FRMD5: variants seen among roughly 807,000 people sequenced by gnomAD.
The protein encoded by FRMD5 is FERM domain containing 5.
Under a neutral mutation model 69.0 loss-of-function variants are expected in FRMD5, and 20 were observed. The observed-to-expected ratio is 0.29, with a 90% CI of 0.20 to 0.42. The LOEUF is 0.42. Ranked by LOEUF, FRMD5 falls within the 10% of genes least tolerant of loss-of-function variation. The pLI is 1.00. For missense variants in FRMD5, 595 were observed against 708.6 expected (o/e 0.84, Z 1.82); for synonymous variants, 271 against 260.1 (o/e 1.04, Z -0.40).
In FRMD5 at chr15:43,873,374, T is replaced by C; in HGVS notation, c.*511A>G. On this transcript the variant is annotated 3_prime_UTR_variant, in exon 14 of 14. Coordinates refer to ENST00000417257, the MANE Select transcript of FRMD5 (RefSeq NM_032892.5). ...AAACAAAAAACTAAACAGTCCCCAT[T>C]GTCCAGATCCCTGGCCTGCCCTGCT... The C allele has an allele frequency of 6.9e-7, 1 of 1,452,908 alleles. No individual in the cohort carries two copies. The highest frequency in any genetic ancestry group is 9.0e-7 in the Non-Finnish European group (1 of 1,111,234). The allele number at this position is 1,452,908 out of a possible 1,614,324, so 90.0% of individuals were successfully genotyped here. A position where few individuals can be genotyped will look rare whatever the true frequency, so the allele number is the denominator to read the frequency against.
intron 1 of FRMD5, among the ~76,000 whole-genome samples, chr15:43,983,030 A>G (rs1371782052): frequency 6.6e-6 from 1 of 152,216 alleles, no homozygotes; most frequent in African/African-American, 2.4e-5. Context: ...TCCCGGGGTC[A>G]AGTGATTCTC....
chr15:44,004,055 T>A (rs1890329671), intron 1 of FRMD5, among the ~76,000 whole-genome samples: 1 of 152,250 alleles, frequency 6.6e-6, no homozygotes, highest in East Asian at 1.9e-4. Context: ...CAGCATGGTT[T>A]GACTAAAAAT....
chr15:44,152,341 T>A (rs888362605), intron 1 of FRMD5, among the ~76,000 whole-genome samples: 3 of 152,232 alleles, frequency 2.0e-5, no homozygotes, highest in Non-Finnish European at 4.4e-5. Flanking sequence ...TATGTATCAA[T>A]ACTTAATTCT....
At chr15:43,925,161 C>A (rs574366475) in intron 1 of FRMD5, among the ~76,000 whole-genome samples, 1 of 152,200 alleles carries the variant, frequency 6.6e-6, no homozygotes, top group East Asian at 1.9e-4. Context: ...TGTGCCACCA[C>A]GTCCAGCTAA....
At chr15:44,132,064 G>A (rs546208654) in intron 1 of FRMD5, among the ~76,000 whole-genome samples, 1 of 152,304 alleles carries the variant, frequency 6.6e-6, no homozygotes, top group African/African-American at 2.4e-5. Context: ...ATGGGAGACA[G>A]TGACACATCA....
intron 1 of FRMD5, among the ~76,000 whole-genome samples, chr15:44,108,104 T>G (rs1228964313): frequency 2.0e-5 from 3 of 152,206 alleles, no homozygotes; most frequent in African/African-American, 7.2e-5. Flanking sequence ...GTTTCTTACA[T>G]TTTTAAAAGG....
chr15:44,119,615 G>A (rs1443119058), intron 1 of FRMD5, among the ~76,000 whole-genome samples: 1 of 152,052 alleles, frequency 6.6e-6, no homozygotes, highest in African/African-American at 2.4e-5. Flanking sequence ...ATCAGAGCAG[G>A]TTCTGATAAT....
In FRMD5 at chr15:43,872,070, T is replaced by A. The variant is rs1207977132; in HGVS notation, c.*1815A>T. On this transcript the variant is annotated 3_prime_UTR_variant, in exon 14 of 14. Coordinates refer to ENST00000417257, the MANE Select transcript of FRMD5 (RefSeq NM_032892.5). ...GCCATGTTCCTTCATTTACAAATTA[T>A]CTGTGGCTGTTTTTGTGCTGTGATG... is the stretch of plus-strand genomic sequence containing the variant. 6.6e-6 allele frequency: 1 copy of A among 152,234 alleles called. No individual in the cohort carries two copies. Among genetic ancestry groups the A allele is most frequent in the African/African-American group, 2.4e-5 (1 of 41,448 alleles). The allele number at this position is 152,234 out of a possible 1,614,324, so 9.4% of individuals were successfully genotyped here.
Position 43,902,162 on chromosome 15 carries a change from CA to C in FRMD5, c.639+12del, listed in dbSNP as rs1417326346. On this transcript the variant is annotated intron_variant, in intron 7 of 13. Transcript: ENST00000417257. ...GAGGAAAGGTCATGCAGTCTCCAAC[CA>C]GGGGGTCTTACCTTACATGGGTGAG... is the stretch of plus-strand genomic sequence containing the variant. 46 of 1,606,180 alleles carry C rather than the reference CA, an allele frequency of 2.9e-5. No individual in the cohort carries two copies. In the East Asian group the frequency reaches 1.0e-3, roughly 35 times the overall value.
At chr15:44,195,782 A>AG (rs762517382), upstream of FRMD5, among the ~76,000 whole-genome samples, 6 of 152,238 alleles carry the variant, frequency 3.9e-5, no homozygotes, top group Admixed American at 3.9e-4. Flanking sequence ...TCTGTGCTCC[A>AG]GCCCTCTTAT....
intron 7 of FRMD5, among the ~76,000 whole-genome samples, chr15:43,894,400 G>A (rs1400230922): frequency 1.3e-5 from 2 of 152,148 alleles, no homozygotes; most frequent in African/African-American, 4.8e-5. Context: ...GTATAGAAAG[G>A]GTCTCAGAAA....
intron 1 of FRMD5, among the ~76,000 whole-genome samples, chr15:43,990,386 T>C (rs746000366): frequency 1.3e-5 from 2 of 152,232 alleles, no homozygotes; most frequent in Non-Finnish European, 2.9e-5. Flanking sequence ...GGTATGCCTA[T>C]AAATAAAATT....
chr15:43,952,491 C>T (rs1226773513), intron 1 of FRMD5, among the ~76,000 whole-genome samples: 2 of 152,222 alleles, frequency 1.3e-5, no homozygotes, highest in East Asian at 3.8e-4. Context: ...AATAACACCT[C>T]AGCAGCCAGT....
At chr15:44,192,998 A>C (rs1225965936) in intron 1 of FRMD5, among the ~76,000 whole-genome samples, 1 of 152,240 alleles carries the variant, frequency 6.6e-6, no homozygotes, top group East Asian at 1.9e-4. Flanking sequence ...TATAGCAAGC[A>C]CAAATCCAAT....
At chr15:44,152,409 G>A (rs1381697534) in intron 1 of FRMD5, among the ~76,000 whole-genome samples, 1 of 152,176 alleles carries the variant, frequency 6.6e-6, no homozygotes, top group African/African-American at 2.4e-5. Context: ...GCCACAATTT[G>A]TTTATTCATA....
intron 1 of FRMD5, 185 bp downstream of exon 1, chr15:44,194,768 C>T: frequency 1.5e-6 from 1 of 685,400 alleles, no homozygotes; most frequent in African/African-American, 1.8e-5. Context: ...ACACCGGGTG[C>T]CAGGGCTCCG....
chr15:44,148,364 C>T (rs1343439229), intron 1 of FRMD5, among the ~76,000 whole-genome samples: 1 of 151,896 alleles, frequency 6.6e-6, no homozygotes, highest in Non-Finnish European at 1.5e-5. Flanking sequence ...CTCTGCCTCC[C>T]GGGTTCACGC....
intron 4 of FRMD5, among the ~76,000 whole-genome samples, chr15:43,910,572 C>CAA (rs1167867396): frequency 0.01 from 420 of 40,262 alleles, 44 homozygotes; most frequent in African/African-American, 0.023. Flanking sequence ...GACCTTGTCT[C>CAA]AAAAAAAAAA....
intron 13 of FRMD5, among the ~76,000 whole-genome samples, chr15:43,875,578 A>G (rs931349499): frequency 2.0e-5 from 3 of 151,104 alleles, no homozygotes; most frequent in Admixed American, 2.0e-4. Flanking sequence ...CCCGGGTTCC[A>G]GCGATTCTTG....
Sources: gnomAD v4.1 joint callset for allele counts (sites outside exome capture counted in the v4.1 genomes callset) on GRCh38, gnomAD v4.1.1 for gene constraint, MANE v1.5 for transcripts, NCBI Gene and HGNC (gene_info 2026-07-23, HGNC 2026-07-21) for gene names.